TBC1D12: variants seen among roughly 807,000 people sequenced by gnomAD.
The protein encoded by TBC1D12 is TBC1 domain family, member 12.
In TBC1D12, 56 loss-of-function variants were observed where a neutral mutation model predicts 86.7. That is an observed-to-expected ratio of 0.65 (90% CI 0.52 to 0.81). The LOEUF is 0.81. Ranked by LOEUF, TBC1D12 falls within the 30% of genes least tolerant of loss-of-function variation. The pLI is 0.00. For synonymous variants in TBC1D12, 421 were observed against 411.7 expected, an observed-to-expected ratio of 1.02 and a Z score of -0.27; for missense variants, 1,023 against 1,038.8, an observed-to-expected ratio of 0.98 and a Z score of 0.21.
chr10:94,495,598 C>G (rs568672685), intron 4 of TBC1D12, among the ~76,000 whole-genome samples: 1 of 152,328 alleles, frequency 6.6e-6, no homozygotes, highest in Non-Finnish European at 1.5e-5. Context: ...CAGAAGGCCA[C>G]AGCTTTAACC....
At chr10:94,405,046 CAAA>C (rs59300913) in intron 1 of TBC1D12, among the ~76,000 whole-genome samples, 21 of 112,298 alleles carry the variant, frequency 1.9e-4, no homozygotes, top group East Asian at 2.4e-4. Context: ...AGACTTCTCT[CAAA>C]AAAAAAAAAA....
chr10:94,460,114 C>A (rs894453942), intron 2 of TBC1D12, among the ~76,000 whole-genome samples: 2 of 152,108 alleles, frequency 1.3e-5, no homozygotes, highest in Admixed American at 1.3e-4. Context: ...TGCCTGTAAT[C>A]CCAGCTACTT....
chr10:94,491,681 A>G (rs1980741), intron 3 of TBC1D12, among the ~76,000 whole-genome samples: 62,619 of 152,092 alleles, frequency 0.41, 13,305 homozygotes, highest in East Asian at 0.73. Flanking sequence ...TGCTAGGGAC[A>G]TGAGTTCAGT....
chr10:94,453,126 A>G (rs375669026), intron 2 of TBC1D12, among the ~76,000 whole-genome samples: 144 of 152,246 alleles, frequency 9.5e-4, no homozygotes, highest in African/African-American at 3.3e-3. Context: ...AGATTGTTCA[A>G]TTTCTTATTG....
intron 11 of TBC1D12, among the ~76,000 whole-genome samples, chr10:94,525,228 G>C (rs1264567934): frequency 6.6e-6 from 1 of 152,140 alleles, no homozygotes; most frequent in African/African-American, 2.4e-5. Flanking sequence ...TTTTAGAGCT[G>C]AAGAAATTGA....
At chr10:94,516,533 C>T (rs1313910775) in intron 9 of TBC1D12, among the ~76,000 whole-genome samples, 2 of 151,474 alleles carry the variant, frequency 1.3e-5, no homozygotes, top group Admixed American at 1.3e-4. Context: ...TCGTCATTTA[C>T]ATTAGGTATA....
At chr10:94,411,853 G>C (rs1342803754) in intron 1 of TBC1D12, among the ~76,000 whole-genome samples, 3 of 152,186 alleles carry the variant, frequency 2.0e-5, no homozygotes, top group African/African-American at 7.2e-5. Flanking sequence ...AGTTACTCGG[G>C]AGGCTGAAGT....
At chr10:94,449,546 T>C (rs1324585846) in intron 2 of TBC1D12, among the ~76,000 whole-genome samples, 3 of 152,168 alleles carry the variant, frequency 2.0e-5, no homozygotes, top group Non-Finnish European at 4.4e-5. Context: ...GACTCTATCT[T>C]GGGCAGACAT....
rs535534621 is a variant in TBC1D12, at chr10:94,467,620, A to G, written c.1096-7048A>G. On this transcript the variant is annotated intron_variant, in intron 2 of 12. Transcript: ENST00000225235. ...AATTAATAATTTTTACTGTTTTGTC[A>G]TAGACATACTTAAATGAATCTGGCC... Among the ~76,000 whole-genome samples the G allele has an allele frequency of 4.4e-4, 66 of 151,714 alleles. 1 individual carries two copies. Among genetic ancestry groups the G allele is most frequent in the African/African-American group, 1.5e-3 (62 of 41,410 alleles).
intron 9 of TBC1D12, among the ~76,000 whole-genome samples, chr10:94,520,318 C>T (rs1026803208): frequency 1.1e-4 from 16 of 151,832 alleles, no homozygotes; most frequent in African/African-American, 2.9e-4. Context: ...TTTGGGAGGC[C>T]GAGGTGGGTG....
chr10:94,460,873 G>T (rs571371649), intron 2 of TBC1D12, among the ~76,000 whole-genome samples: 1 of 151,954 alleles, frequency 6.6e-6, no homozygotes, highest in Admixed American at 6.5e-5. Flanking sequence ...TTACTAATCA[G>T]CCCATCAAAG....
chr10:94,413,441 T>G (rs2054954096), intron 1 of TBC1D12, among the ~76,000 whole-genome samples: 1 of 152,206 alleles, frequency 6.6e-6, no homozygotes, highest in Non-Finnish European at 1.5e-5. Context: ...TTTCCTTCCT[T>G]CTGCTGCTAT....
chr10:94,406,668 T>G (rs901185505), intron 1 of TBC1D12, among the ~76,000 whole-genome samples: 5 of 152,232 alleles, frequency 3.3e-5, no homozygotes, highest in African/African-American at 1.2e-4. Flanking sequence ...TACCCCTGTC[T>G]CACAACACAA....
At chr10:94,456,436 T>C (rs1321696273) in intron 2 of TBC1D12, among the ~76,000 whole-genome samples, 1 of 152,238 alleles carries the variant, frequency 6.6e-6, no homozygotes. Flanking sequence ...ACATGTGTTA[T>C]TTAGAAGTGT....
Position 94,474,783 on chromosome 10 carries a change from C to G in TBC1D12, c.1211C>G (p.Ser404Ter). 6.2e-7 allele frequency: 1 copy of G among 1,611,568 alleles called. No homozygotes were observed. The highest frequency in any genetic ancestry group is 8.5e-7 in the Non-Finnish European group (1 of 1,178,084). The change falls in exon 3 of 13, where the codon TCA (serine) becomes TGA (stop). Residue 404 changes from serine (S) to a stop codon, truncating the protein, a stop_gained and splice_region_variant. Transcript: ENST00000225235. LOFTEE classifies it high-confidence loss of function. ...GCCTTGATTCTTGAGGATCGACCAT[C>G]GTAAGTATTTTAGTGATAATCAGTG... ...TTALILEDRP[S>*]NLPAKSVEEA...
intron 3 of TBC1D12, among the ~76,000 whole-genome samples, chr10:94,477,140 T>C (rs1445462417): frequency 1.3e-5 from 2 of 152,194 alleles, no homozygotes; most frequent in Non-Finnish European, 2.9e-5. Context: ...TTAATTATAA[T>C]ATATGTTATA....
At chr10:94,525,659 C>CA (rs11432778) in intron 11 of TBC1D12, among the ~76,000 whole-genome samples, 22,009 of 60,684 alleles carry the variant, frequency 0.36, 2,918 homozygotes, top group Middle Eastern at 0.54. Flanking sequence ...GACTCCGTCT[C>CA]AAAAAAAAAA....
In TBC1D12 at chr10:94,442,006, A is replaced by C; in HGVS notation, c.1082A>C (p.Lys361Thr). 1 of 1,612,650 alleles carries C rather than the reference A, an allele frequency of 6.2e-7. No individual in the cohort carries two copies. Among genetic ancestry groups the C allele is most frequent in the Non-Finnish European group, 8.5e-7 (1 of 1,179,442 alleles). The change falls in exon 2 of 13, where the codon AAA (lysine) becomes ACA (threonine). Residue 361 changes from lysine to threonine, a missense_variant. Physicochemically the swap from Lys to Thr is moderately conservative, Grantham distance 78. Transcript: ENST00000225235. ...PPRENLQKTSKIIQQEYEART... is the reference protein window; with the variant it reads ...PPRENLQKTSTIIQQEYEART... ...AGAGAGAATCTTCAGAAAACATCCA[A>C]AATCATTCAGCAGGTAAGTACTGAC...
intron 1 of TBC1D12, among the ~76,000 whole-genome samples, chr10:94,417,779 C>T (rs1398857877): frequency 2.7e-5 from 4 of 147,252 alleles, no homozygotes; most frequent in African/African-American, 7.6e-5. Flanking sequence ...TACGGAGTCT[C>T]GCTCTGTCGC....
Sources: allele counts gnomAD v4.1 joint callset (sites outside exome capture counted in the v4.1 genomes callset), GRCh38; gene constraint gnomAD v4.1.1; transcripts MANE v1.5; gene names NCBI Gene and HGNC (gene_info 2026-07-23, HGNC 2026-07-21).